The following PRKD1 variants were observed in gnomAD, a reference collection of about 807,000 sequenced individuals.
PRKD1 encodes the protein serine/threonine-protein kinase D1.
A neutral mutation model predicts 95.9 loss-of-function variants in PRKD1; 63 were observed. The observed-to-expected ratio is 0.66, with a 90% CI of 0.54 to 0.81. The LOEUF (loss-of-function observed/expected upper bound fraction) is 0.81. PRKD1 is among the 30% of genes least tolerant of loss of function. PRKD1 has a pLI of 0.00. For missense variants in PRKD1, 1,048 were observed against 1,165.3 expected (o/e 0.90, Z 1.47); for synonymous variants, 425 against 423.1 (o/e 1.00, Z -0.05).
At chr14:29,700,593 C>T (rs979365346) in intron 2 of PRKD1, among the ~76,000 whole-genome samples, 4 of 152,066 alleles carry the variant, frequency 2.6e-5, no homozygotes, top group East Asian at 1.9e-4. Context: ...GTTTGTGTGA[C>T]GGTTAATCTT....
chr14:29,594,044 T>C, intron 16 of PRKD1: 1 of 420,368 alleles, frequency 2.4e-6, no homozygotes, highest in Non-Finnish European at 4.6e-6. Flanking sequence ...ATGAAACCTC[T>C]CTGGGTTCTC....
At chr14:29,749,804 T>C (rs1161919216) in intron 1 of PRKD1, among the ~76,000 whole-genome samples, 1 of 152,214 alleles carries the variant, frequency 6.6e-6, no homozygotes, top group African/African-American at 2.4e-5. Flanking sequence ...TAAAACCCTA[T>C]ACCTCCAAAA....
chr14:29,704,292 A>AG (rs1019820956), intron 2 of PRKD1, among the ~76,000 whole-genome samples: 1 of 152,094 alleles, frequency 6.6e-6, no homozygotes, highest in Non-Finnish European at 1.5e-5. Context: ...ATATAAAATA[A>AG]GGGCTACTCA....
At chr14:29,766,154 T>C (rs1888247729) in intron 1 of PRKD1, among the ~76,000 whole-genome samples, 1 of 152,054 alleles carries the variant, frequency 6.6e-6, no homozygotes, top group Non-Finnish European at 1.5e-5. Flanking sequence ...CTGCACTGAG[T>C]TAAATTCCAA....
intron 1 of PRKD1, among the ~76,000 whole-genome samples, chr14:29,881,378 A>T (rs1403590513): frequency 1.3e-5 from 2 of 151,940 alleles, no homozygotes; most frequent in Non-Finnish European, 2.9e-5. Context: ...CATGATTCTG[A>T]GGCCTCCCAG....
At chr14:29,761,470 T>C (rs1171756509) in intron 1 of PRKD1, among the ~76,000 whole-genome samples, 5 of 152,162 alleles carry the variant, frequency 3.3e-5, no homozygotes, top group Admixed American at 6.5e-5. Flanking sequence ...GTTTGTGTCA[T>C]TCATCTGGAA....
intron 2 of PRKD1, among the ~76,000 whole-genome samples, chr14:29,716,856 G>A (rs1278877496): frequency 6.6e-6 from 1 of 152,062 alleles, no homozygotes; most frequent in African/African-American, 2.4e-5. Context: ...AAAACAATTG[G>A]TATTCCATGA....
At chr14:29,774,370 T>C (rs1047758430) in intron 1 of PRKD1, among the ~76,000 whole-genome samples, 74 of 152,076 alleles carry the variant, frequency 4.9e-4, no homozygotes, top group African/African-American at 1.8e-3. Flanking sequence ...GCAGTAGTAG[T>C]AGCAAAAGTA....
intron 1 of PRKD1, 35 bp downstream of exon 1, chr14:29,927,214 G>A (rs1895334634): frequency 7.5e-6 from 11 of 1,462,014 alleles, no homozygotes; most frequent in East Asian, 3.1e-5. Flanking sequence ...TGCGCCGCGG[G>A]GAGGCGCCGG....
chr14:29,693,776 ACCCAAT>A (rs1884370090), intron 2 of PRKD1, among the ~76,000 whole-genome samples: 1 of 152,144 alleles, frequency 6.6e-6, no homozygotes, highest in African/African-American at 2.4e-5. Flanking sequence ...TTTATAGGTC[ACCCAAT>A]CCAACCTCCC....
At chr14:29,866,436 C>G (rs951092005) in intron 1 of PRKD1, among the ~76,000 whole-genome samples, 1 of 152,064 alleles carries the variant, frequency 6.6e-6, no homozygotes, top group Non-Finnish European at 1.5e-5. Flanking sequence ...AAATATTTTC[C>G]CCATGTCTTT....
At position 29,702,665 on chromosome 14, in the gene PRKD1, A is replaced by G. The variant is rs965480085; in HGVS notation, c.403+22871T>C. Among the ~76,000 whole-genome samples, 5 of 152,056 alleles carry G rather than the reference A, an allele frequency of 3.3e-5. No homozygotes were observed. The East Asian group carries it at 7.7e-4, about 23-fold the overall frequency. On this transcript the variant is annotated intron_variant, in intron 2 of 17. Coordinates refer to ENST00000331968, the MANE Select transcript of PRKD1 (RefSeq NM_002742.3). ...ATTTAGATTTTCAAAGGTATTGATA[A>G]AAAGTTATGCATAGTATTATCTTTA...
intron 1 of PRKD1, among the ~76,000 whole-genome samples, chr14:29,806,162 G>T (rs958998038): frequency 2.0e-5 from 3 of 152,162 alleles, no homozygotes; most frequent in African/African-American, 7.2e-5. Context: ...GTACTGAAAA[G>T]ATCTCAATAA....
intron 2 of PRKD1, among the ~76,000 whole-genome samples, chr14:29,684,893 T>C (rs1883767036): frequency 6.6e-6 from 1 of 152,230 alleles, no homozygotes; most frequent in East Asian, 1.9e-4. Flanking sequence ...TTATTTTAGA[T>C]GGTTTTCTTG....
At chr14:29,784,013 CT>C (rs1001802771) in intron 1 of PRKD1, among the ~76,000 whole-genome samples, 15 of 152,250 alleles carry the variant, frequency 9.9e-5, no homozygotes, top group African/African-American at 3.4e-4. Context: ...GTTGGCTGTG[CT>C]TTTGCAACCT....
intron 1 of PRKD1, among the ~76,000 whole-genome samples, chr14:29,761,784 T>C (rs7156101): frequency 0.16 from 23,145 of 147,390 alleles, 2,496 homozygotes; most frequent in East Asian, 0.52. Flanking sequence ...TTCTTTCTTT[T>C]TTTTTTTTTT....
At chr14:29,583,419 C>T (rs1398099721) in intron 16 of PRKD1, among the ~76,000 whole-genome samples, 1 of 152,078 alleles carries the variant, frequency 6.6e-6, no homozygotes, top group Non-Finnish European at 1.5e-5. Context: ...CACTTTGTTC[C>T]TGAAGGACAC....
intron 2 of PRKD1, among the ~76,000 whole-genome samples, chr14:29,692,528 G>T (rs533857770): frequency 6.6e-6 from 1 of 152,102 alleles, no homozygotes; most frequent in East Asian, 1.9e-4. Context: ...GGAGGGAAGA[G>T]AATTGCAAAA....
chr14:29,826,139 T>C (rs1271784259), intron 1 of PRKD1, among the ~76,000 whole-genome samples: 1 of 149,158 alleles, frequency 6.7e-6, no homozygotes, highest in Non-Finnish European at 1.5e-5. Flanking sequence ...TATATATATA[T>C]ATGGATGTAC....
Sources: gnomAD v4.1 joint callset for allele counts (sites outside exome capture counted in the v4.1 genomes callset) on GRCh38, gnomAD v4.1.1 for gene constraint, MANE v1.5 for transcripts, NCBI Gene and HGNC (gene_info 2026-07-23, HGNC 2026-07-21) for gene names.